MYO5B: variants seen among roughly 807,000 people sequenced by gnomAD.
The protein encoded by MYO5B is myosin VB, also known as unconventional myosin-Vb.
MYO5B carries 143 observed loss-of-function variants against 229.3 expected under a neutral mutation model. The observed-to-expected ratio is 0.62, with a 90% CI of 0.54 to 0.72. The LOEUF (loss-of-function observed/expected upper bound fraction) is 0.72. Among genes scored for constraint, MYO5B ranks in the 30% least tolerant of loss-of-function variants. The pLI is 0.00. For missense variants in MYO5B, 2,321 were observed against 2,331.0 expected (o/e 1.00, Z 0.09); for synonymous variants, 918 against 885.2 (o/e 1.04, Z -0.66).
In MYO5B at chr18:49,937,325, A is replaced by G. The variant is rs757945719; in HGVS notation, c.1825T>C (p.Ser609Pro). The change falls in exon 15 of 40, where the codon TCT becomes CCT. Residue 609 changes from serine to proline, a missense_variant. Coordinates refer to ENST00000285039, the MANE Select transcript of MYO5B (RefSeq NM_001080467.3). ...VPATTPGKGS[S>P]SKISVRSARP... is the part of the protein sequence containing the mutation. The stretch of plus-strand genomic sequence containing the variant: ...GCAGAACGGACGCTGATCTTCGAAG[A>G]TGACCCCTTCCCAGGGGTGGTGGCA... 1 of 1,614,178 alleles carries G rather than the reference A, an allele frequency of 6.2e-7. No individual in the cohort carries two copies. Among genetic ancestry groups the G allele is most frequent in the Admixed American group, 1.7e-5 (1 of 60,018 alleles).
intron 17 of MYO5B, among the ~76,000 whole-genome samples, chr18:49,918,050 C>G (rs1459919268): frequency 6.6e-6 from 1 of 152,208 alleles, no homozygotes; most frequent in African/African-American, 2.4e-5. Context: ...GTAATGAGCT[C>G]CTCAGGCTCA....
chr18:49,834,354 G>A (rs1019813898), intron 39 of MYO5B, among the ~76,000 whole-genome samples: 15 of 152,114 alleles, frequency 9.9e-5, no homozygotes, highest in Admixed American at 5.9e-4. Context: ...TGGCCAACAA[G>A]GTCATTTAAA....
At chr18:50,036,071 CT>C (rs1449605722) in intron 4 of MYO5B, among the ~76,000 whole-genome samples, 1 of 152,160 alleles carries the variant, frequency 6.6e-6, no homozygotes, top group Non-Finnish European at 1.5e-5. Flanking sequence ...AGCTTTCCTT[CT>C]CCAAAAAGAC....
intron 2 of MYO5B, 138 bp downstream of exon 2, chr18:50,055,130 G>A (rs1021601159): frequency 1.5e-6 from 1 of 672,594 alleles, no homozygotes; most frequent in Admixed American, 2.3e-5. Context: ...ATAGCAACAA[G>A]AAAGAATCCA....
At chr18:50,181,143 T>C (rs1438454609) in intron 1 of MYO5B, among the ~76,000 whole-genome samples, 2 of 152,256 alleles carry the variant, frequency 1.3e-5, no homozygotes, top group African/African-American at 4.8e-5. Context: ...TATTTATTAA[T>C]GCTATTATAC....
At chr18:50,108,179 A>G (rs1340221787) in intron 1 of MYO5B, among the ~76,000 whole-genome samples, 2 of 152,178 alleles carry the variant, frequency 1.3e-5, no homozygotes, top group Non-Finnish European at 2.9e-5. Flanking sequence ...AAGTGCTGGG[A>G]TTACAGGCAT....
intron 2 of MYO5B, among the ~76,000 whole-genome samples, chr18:50,041,740 T>G (rs569545878): frequency 6.6e-6 from 1 of 152,162 alleles, no homozygotes; most frequent in Admixed American, 6.5e-5. Context: ...TGAAGAATTA[T>G]GCAAAAGCCA....
intron 10 of MYO5B, among the ~76,000 whole-genome samples, chr18:49,968,306 A>C (rs929642834): frequency 1.3e-5 from 2 of 152,248 alleles, no homozygotes; most frequent in African/African-American, 4.8e-5. Context: ...ACTTTCTGCA[A>C]CCAGTTACAG....
At chr18:50,141,081 A>C (rs577928328) in intron 1 of MYO5B, among the ~76,000 whole-genome samples, 9 of 152,212 alleles carry the variant, frequency 5.9e-5, no homozygotes, top group Non-Finnish European at 1.3e-4. Context: ...TCCAGCCCCC[A>C]ACCTAAATGG....
At chr18:50,088,051 T>A (rs1375607374) in intron 1 of MYO5B, among the ~76,000 whole-genome samples, 48 of 152,040 alleles carry the variant, frequency 3.2e-4, no homozygotes, top group Admixed American at 3.1e-3. Context: ...ATGTAGAAGA[T>A]TTGAAGATGC....
intron 22 of MYO5B, 171 bp from the exon 23 acceptor site, chr18:49,880,626 C>T: frequency 1.5e-6 from 1 of 655,220 alleles, no homozygotes; most frequent in Admixed American, 2.3e-5. Flanking sequence ...AAGAAAAATC[C>T]CATTAAAACA....
At chr18:49,883,769 A>C (rs2024614451) in intron 22 of MYO5B, among the ~76,000 whole-genome samples, 1 of 152,236 alleles carries the variant, frequency 6.6e-6, no homozygotes, top group African/African-American at 2.4e-5. Flanking sequence ...ATACTGGCAT[A>C]AAGACAGACA....
intron 7 of MYO5B, among the ~76,000 whole-genome samples, chr18:49,987,127 T>C (rs8089410): frequency 0.013 from 1,971 of 152,236 alleles, 41 homozygotes; most frequent in African/African-American, 0.045. Flanking sequence ...ACGAATCAGA[T>C]AGACACCCCG....
intron 2 of MYO5B, among the ~76,000 whole-genome samples, chr18:50,054,412 A>G (rs908188708): frequency 3.9e-5 from 6 of 152,190 alleles, no homozygotes; most frequent in African/African-American, 9.7e-5. Context: ...GCCATTTATC[A>G]TAATACTTTG....
At chr18:50,179,710 G>C (rs1265085789) in intron 1 of MYO5B, among the ~76,000 whole-genome samples, 1 of 152,190 alleles carries the variant, frequency 6.6e-6, no homozygotes, top group African/African-American at 2.4e-5. Flanking sequence ...CTAAAGCCAT[G>C]GAAGGCTTCA....
chr18:49,875,682 C>T lies in MYO5B; in HGVS notation c.3537+5G>A, dbSNP rs375296426. On this transcript the variant is annotated splice_donor_5th_base_variant and intron_variant, in intron 26 of 39. Coordinates refer to ENST00000285039, the MANE Select transcript of MYO5B (RefSeq NM_001080467.3). ...CCATAAGAGCACTGCAGCCCCTTCA[C>T]GTACCTGGACTTTCTTGCTGTCCTG... 7.4e-6 allele frequency: 12 copies of T among 1,614,090 alleles called. No homozygotes were observed. Among genetic ancestry groups the T allele is most frequent in the South Asian group, 1.1e-5 (1 of 91,080 alleles).
intron 1 of MYO5B, among the ~76,000 whole-genome samples, chr18:50,186,728 G>T (rs2033154610): frequency 6.6e-6 from 1 of 152,168 alleles, no homozygotes. Context: ...CATGGATTAG[G>T]ATTATAAGCC....
At chr18:50,145,431 G>A (rs2032484396) in intron 1 of MYO5B, among the ~76,000 whole-genome samples, 1 of 138,616 alleles carries the variant, frequency 7.2e-6, no homozygotes, top group Non-Finnish European at 1.5e-5. Context: ...AGCTTGCAGT[G>A]AGCCGAGATT....
At chr18:50,026,880 G>C (rs2026336509) in intron 4 of MYO5B, among the ~76,000 whole-genome samples, 1 of 152,184 alleles carries the variant, frequency 6.6e-6, no homozygotes, top group African/African-American at 2.4e-5. Context: ...GCAAATTGAG[G>C]TGAACTTGAG....
Sources: gnomAD v4.1 joint callset for allele counts (sites outside exome capture counted in the v4.1 genomes callset) on GRCh38, gnomAD v4.1.1 for gene constraint, MANE v1.5 for transcripts, NCBI Gene and HGNC (gene_info 2026-07-23, HGNC 2026-07-21) for gene names.